The following UBE2E2 variants were observed in gnomAD, a reference collection of about 807,000 sequenced individuals.
UBE2E2 encodes the protein ubiquitin-conjugating enzyme E2 E2.
UBE2E2 carries 6 observed loss-of-function variants against 24.7 expected under a neutral mutation model. The observed-to-expected ratio is 0.24, with a 90% CI of 0.13 to 0.48. The LOEUF (loss-of-function observed/expected upper bound fraction) is 0.48. Ranked by LOEUF, UBE2E2 falls within the 20% of genes least tolerant of loss-of-function variation. The pLI, the probability that UBE2E2 is intolerant of heterozygous loss-of-function variation, is 0.99. For synonymous variants in UBE2E2, 104 were observed against 83.6 expected (o/e 1.24, Z -1.33); for missense variants, 169 against 245.0 (o/e 0.69, Z 2.07).
intron 3 of UBE2E2, among the ~76,000 whole-genome samples, chr3:23,338,261 T>G (rs564775844): frequency 1.4e-4 from 22 of 152,242 alleles, no homozygotes; most frequent in Middle Eastern, 6.8e-3. Context: ...TGAAACAACT[T>G]TATGTGTAGT....
chr3:23,552,434 T>G (rs772840360), intron 5 of UBE2E2, among the ~76,000 whole-genome samples: 2 of 152,130 alleles, frequency 1.3e-5, no homozygotes, highest in Non-Finnish European at 2.9e-5. Flanking sequence ...GGGTGTTGAG[T>G]AGATCTGGAT....
chr3:23,503,109 A>G (rs1463328101), intron 4 of UBE2E2, among the ~76,000 whole-genome samples: 1 of 151,166 alleles, frequency 6.6e-6, no homozygotes, highest in Non-Finnish European at 1.5e-5. Context: ...TAATGTTTTC[A>G]TTCAGTATCT....
At chr3:23,236,252 A>G (rs183103055) in intron 3 of UBE2E2, among the ~76,000 whole-genome samples, 17 of 152,296 alleles carry the variant, frequency 1.1e-4, no homozygotes, top group Admixed American at 4.6e-4. Context: ...AGTTGTAATT[A>G]CTTTCTTCAC....
At chr3:23,521,444 A>G (rs79216043) in intron 4 of UBE2E2, among the ~76,000 whole-genome samples, 4,258 of 152,330 alleles carry the variant, frequency 0.028, 214 homozygotes, top group African/African-American at 0.096. Flanking sequence ...AAAGCCAGAA[A>G]TGAATCATCT....
At chr3:23,303,260 A>G (rs1477421600) in intron 3 of UBE2E2, among the ~76,000 whole-genome samples, 2 of 152,214 alleles carry the variant, frequency 1.3e-5, no homozygotes, top group African/African-American at 4.8e-5. Context: ...CTGATTCTAC[A>G]TTATAGTGAG....
At chr3:23,327,629 G>A (rs2125296984) in intron 3 of UBE2E2, among the ~76,000 whole-genome samples, 1 of 152,312 alleles carries the variant, frequency 6.6e-6, no homozygotes, top group South Asian at 2.1e-4. Context: ...ACTGTCACTT[G>A]GGATGTTATT....
intron 5 of UBE2E2, among the ~76,000 whole-genome samples, chr3:23,553,410 T>A (rs1343586004): frequency 6.6e-6 from 1 of 152,176 alleles, no homozygotes; most frequent in African/African-American, 2.4e-5. Context: ...CTCTTTTAAG[T>A]TAATACTTCA....
At chr3:23,330,008 A>AG (rs1264912547) in intron 3 of UBE2E2, among the ~76,000 whole-genome samples, 1 of 152,228 alleles carries the variant, frequency 6.6e-6, no homozygotes, top group African/African-American at 2.4e-5. Flanking sequence ...ATTTAAAAAA[A>AG]CAGGAATCTT....
At chr3:23,281,797 A>G (rs1233391322) in intron 3 of UBE2E2, among the ~76,000 whole-genome samples, 2 of 152,258 alleles carry the variant, frequency 1.3e-5, no homozygotes, top group African/African-American at 4.8e-5. Context: ...AATCTATTAC[A>G]TCTCTTAGAA....
At chr3:23,318,155 T>A (rs7649682) in intron 3 of UBE2E2, among the ~76,000 whole-genome samples, 49,322 of 151,824 alleles carry the variant, frequency 0.32, 8,259 homozygotes, top group South Asian at 0.37. Context: ...GACAGGGTTT[T>A]AAAAAAATTT....
chr3:23,298,185 G>C (rs1256110883), intron 3 of UBE2E2, among the ~76,000 whole-genome samples: 1 of 152,132 alleles, frequency 6.6e-6, no homozygotes, highest in Non-Finnish European at 1.5e-5. Context: ...AGGAGATTTT[G>C]GGCTGAGACA....
At chr3:23,495,421 T>C (rs1363502784) in intron 3 of UBE2E2, among the ~76,000 whole-genome samples, 1 of 152,208 alleles carries the variant, frequency 6.6e-6, no homozygotes, top group East Asian at 1.9e-4. Context: ...TTACTGTGGT[T>C]ACCATTCTTG....
intron 5 of UBE2E2, among the ~76,000 whole-genome samples, chr3:23,561,264 G>T (rs1045805507): frequency 3.3e-5 from 5 of 152,118 alleles, no homozygotes; most frequent in Non-Finnish European, 7.3e-5. Flanking sequence ...TGTAAGGAAG[G>T]GATCCAGTTT....
intron 5 of UBE2E2, among the ~76,000 whole-genome samples, chr3:23,550,669 A>G (rs1346153957): frequency 2.6e-5 from 4 of 152,178 alleles, no homozygotes; most frequent in African/African-American, 7.2e-5. Context: ...TAGTTAGAAA[A>G]CTAGACATTC....
intron 3 of UBE2E2, among the ~76,000 whole-genome samples, chr3:23,443,686 T>A (rs1474778152): frequency 1.3e-5 from 2 of 152,172 alleles, no homozygotes; most frequent in Non-Finnish European, 2.9e-5. Flanking sequence ...CTATGTGAAA[T>A]TGGTGCTGGT....
Position 23,343,673 on chromosome 3 carries a change from G to A in UBE2E2, c.227+126361G>A, listed in dbSNP as rs1575573773. On this transcript the variant is annotated intron_variant, in intron 3 of 5. Coordinates refer to ENST00000396703, the MANE Select transcript of UBE2E2 (RefSeq NM_152653.4). ...CTCAAGTGAACACATCTGTGTAATC[G>A]GTGCCAGATTTAAAAAAAGAACATT... Among the ~76,000 whole-genome samples the A allele has an allele frequency of 2.0e-5, 3 of 152,200 alleles. No homozygotes were observed. In the South Asian group the frequency reaches 6.2e-4, roughly 32 times the overall value.
chr3:23,309,629 A>G (rs990029281), intron 3 of UBE2E2, among the ~76,000 whole-genome samples: 2 of 152,108 alleles, frequency 1.3e-5, no homozygotes, highest in Admixed American at 6.6e-5. Context: ...TGTATACTGT[A>G]TGTCAGAGCA....
intron 3 of UBE2E2, among the ~76,000 whole-genome samples, chr3:23,356,685 A>C (rs545650584): frequency 2.1e-4 from 32 of 152,320 alleles, no homozygotes; most frequent in African/African-American, 7.7e-4. Context: ...TCTTTTAGAA[A>C]ATCTTCTCAT....
chr3:23,426,579 G>A (rs758391203), intron 3 of UBE2E2, among the ~76,000 whole-genome samples: 3 of 152,116 alleles, frequency 2.0e-5, no homozygotes, highest in Non-Finnish European at 4.4e-5. Flanking sequence ...ATAAGAGAGT[G>A]AAGTGAAATA....
Sources: gnomAD v4.1 joint callset for allele counts (sites outside exome capture counted in the v4.1 genomes callset) on GRCh38, gnomAD v4.1.1 for gene constraint, MANE v1.5 for transcripts, NCBI Gene and HGNC (gene_info 2026-07-23, HGNC 2026-07-21) for gene names.